The following FLT3 variants were observed in gnomAD, a reference collection of about 807,000 sequenced individuals.
FLT3 encodes the protein receptor-type tyrosine-protein kinase FLT3.
A neutral mutation model predicts 126.6 loss-of-function variants in FLT3; 46 were observed. The observed-to-expected ratio is 0.36, with a 90% CI of 0.29 to 0.46. The LOEUF (loss-of-function observed/expected upper bound fraction) is 0.46. FLT3 is among the 20% of genes least tolerant of loss of function. The pLI is 1.00. For synonymous variants in FLT3, 404 were observed against 434.4 expected, an observed-to-expected ratio of 0.93 and a Z score of 0.87; for missense variants, 1,069 against 1,190.3, an observed-to-expected ratio of 0.90 and a Z score of 1.50.
Position 28,057,438 on chromosome 13 carries a change from C to G in FLT3, c.393G>C (p.Leu131Phe). 1.3e-6 allele frequency: 2 copies of G among 1,549,154 alleles called. No homozygotes were observed. Among genetic ancestry groups the G allele is most frequent in the Non-Finnish European group, 1.8e-6 (2 of 1,120,684 alleles). ...QNRGVVSMVI[L>F]KMTETQAGEY... ...CTCCAGCTTGGGTTTCTGTCATTTT[C>G]AAAATGACCATGGAAACAACTCCTC... Residue 131 changes from leucine to phenylalanine, a missense_variant, in exon 4 of 24, where the codon TTG becomes TTC. Coordinates refer to ENST00000241453, the MANE Select transcript of FLT3 (RefSeq NM_004119.3).
In FLT3 at chr13:28,033,822, A is replaced by T. The variant is rs1480864561; in HGVS notation, c.1942+65T>A. ...AAAAGGATGGAAAAGAGAAGAAGGC[A>T]TGGGTGGGAAACTGTGCCTCCCATT... On this transcript the variant is annotated intron_variant, in intron 15 of 23. Transcript: ENST00000241453. 5.2e-6 allele frequency: 6 copies of T among 1,155,616 alleles called. No individual in the cohort carries two copies. The East Asian group carries it at 1.2e-4, about 23-fold the overall frequency. The allele number at this position is 1,155,616 out of a possible 1,614,324, so 71.6% of individuals were successfully genotyped here.
intron 1 of FLT3, among the ~76,000 whole-genome samples, chr13:28,085,069 G>C (rs572332588): frequency 3.9e-5 from 6 of 152,000 alleles, no homozygotes; most frequent in Non-Finnish European, 8.8e-5. Context: ...GTGCAAGCCG[G>C]GGCGGTGGCT....
At chr13:28,027,035 C>G in intron 17 of FLT3, 53 bp downstream of exon 17, 1 of 1,529,600 alleles carries the variant, frequency 6.5e-7, no homozygotes, top group East Asian at 2.3e-5. Flanking sequence ...GAACAGCACA[C>G]TTTGCCTACG....
chr13:28,100,364 A>C lies in FLT3; in HGVS notation c.43+104T>G. ...GGCAATGGAAGGAGCGAGCGCGGGG[A>C]GGAGCGAGGCGGCTGGGCCGGAGGA... On this transcript the variant is annotated intron_variant, in intron 1 of 23. Coordinates refer to ENST00000241453, the MANE Select transcript of FLT3 (RefSeq NM_004119.3). The surrounding 1 kb of genome is among the most constrained non-coding windows in gnomAD (Gnocchi z 4.8). The C allele has an allele frequency of 1.3e-6, 1 of 771,034 alleles. No homozygotes were observed. Among genetic ancestry groups the C allele is most frequent in the Admixed American group, 4.5e-5 (1 of 22,112 alleles). The allele number at this position is 771,034 out of a possible 1,614,324, so 47.8% of individuals were successfully genotyped here. A position where few individuals can be genotyped will look rare whatever the true frequency, so the allele number is the denominator to read the frequency against.
At chr13:28,080,019 C>T (rs901045052) in intron 1 of FLT3, among the ~76,000 whole-genome samples, 10 of 152,184 alleles carry the variant, frequency 6.6e-5, no homozygotes, top group Admixed American at 5.2e-4. Flanking sequence ...AGGATGACAT[C>T]AAGCCACTCA....
chr13:28,070,445 T>A (rs1482958888), intron 2 of FLT3, 46 bp downstream of exon 2: 4 of 1,549,924 alleles, frequency 2.6e-6, no homozygotes, highest in Non-Finnish European at 3.5e-6. Flanking sequence ...CAAATTACGT[T>A]CTCTAGAGAA....
chr13:28,029,816 C>T (rs1873153414), intron 15 of FLT3, among the ~76,000 whole-genome samples: 1 of 152,216 alleles, frequency 6.6e-6, no homozygotes, highest in African/African-American at 2.4e-5. Context: ...TATTGGTTGG[C>T]CAATGCATTC....
intron 2 of FLT3, chr13:28,068,007 C>T: frequency 4.4e-6 from 1 of 229,510 alleles, no homozygotes; most frequent in Non-Finnish European, 8.8e-6. Context: ...AGTCATTAAA[C>T]CATAGTGGAG....
intron 1 of FLT3, among the ~76,000 whole-genome samples, chr13:28,084,741 C>A (rs901497761): frequency 6.6e-6 from 1 of 151,926 alleles, no homozygotes; most frequent in Non-Finnish European, 1.5e-5. Flanking sequence ...TTTGGGAGGC[C>A]GAGGAGGGCG....
At chr13:28,024,133 C>CT (rs1872623036) in intron 18 of FLT3, among the ~76,000 whole-genome samples, 2 of 143,292 alleles carry the variant, frequency 1.4e-5, no homozygotes, top group Non-Finnish European at 1.6e-5. Flanking sequence ...TTTTTTCTTT[C>CT]TTTCTTTTTT....
intron 9 of FLT3, among the ~76,000 whole-genome samples, chr13:28,041,945 G>A (rs970947920): frequency 1.3e-5 from 2 of 152,118 alleles, no homozygotes; most frequent in African/African-American, 4.8e-5. Context: ...TTGAGGTAAG[G>A]AGTTCGAGAT....
intron 23 of FLT3, 41 bp from the exon 24 acceptor site, chr13:28,004,215 T>A: frequency 6.2e-7 from 1 of 1,604,766 alleles, no homozygotes; most frequent in Non-Finnish European, 8.5e-7. Context: ...TACCATCTGA[T>A]GTAGATGCAC....
chr13:28,014,348 G>T, intron 23 of FLT3, 104 bp downstream of exon 23: 1 of 796,672 alleles, frequency 1.3e-6, no homozygotes, highest in Non-Finnish European at 2.1e-6. Context: ...AAACTGCAAT[G>T]AGAATGACAA....
rs748443772 is a variant in FLT3, at chr13:28,027,080, C to T, written c.2207+8G>A. 1.2e-6 allele frequency: 2 copies of T among 1,612,090 alleles called. No individual in the cohort carries two copies. Among genetic ancestry groups the T allele is most frequent in the Non-Finnish European group, 1.7e-6 (2 of 1,178,872 alleles). Reference sequence around the variant, plus strand: ...GTGTAATTACGAAACCCTGACCCAGCCTCTTACCTGGAATTTGGATGTGAT... The same window carrying T: ...GTGTAATTACGAAACCCTGACCCAGTCTCTTACCTGGAATTTGGATGTGAT... On this transcript the variant is annotated splice_region_variant and intron_variant, in intron 17 of 23. Coordinates refer to ENST00000241453, the MANE Select transcript of FLT3 (RefSeq NM_004119.3).
At chr13:28,036,693 T>C (rs1873864517) in intron 10 of FLT3, among the ~76,000 whole-genome samples, 3 of 152,194 alleles carry the variant, frequency 2.0e-5, no homozygotes, top group Admixed American at 2.0e-4. Flanking sequence ...GAAAGAGATA[T>C]ATGGCCAGGT....
chr13:28,060,833 G>A (rs1395088319), intron 3 of FLT3, among the ~76,000 whole-genome samples: 6 of 151,518 alleles, frequency 4.0e-5, no homozygotes, highest in Non-Finnish European at 8.8e-5. Flanking sequence ...TCGAACTCCT[G>A]ACCTCAGGTG....
chr13:28,048,167 A>C (rs1427096555), intron 9 of FLT3, 108 bp downstream of exon 9: 1 of 803,156 alleles, frequency 1.2e-6, no homozygotes, highest in African/African-American at 1.7e-5. Context: ...ATAATAGTTA[A>C]ACTCATAAGT....
chr13:28,042,890 AAC>A (rs1415347374), intron 9 of FLT3, among the ~76,000 whole-genome samples: 2 of 150,738 alleles, frequency 1.3e-5, no homozygotes, highest in South Asian at 2.2e-4. Context: ...AAAAAAAAAA[AAC>A]AACTCCTCTC....
In FLT3 at chr13:28,023,159, C is replaced by T. The variant is rs920903748; in HGVS notation, c.2418+191G>A. 6.6e-5 allele frequency among the ~76,000 whole-genome samples: 10 copies of T among 152,354 alleles called. 1 individual carries two copies. The East Asian group carries it at 1.4e-3, about 21-fold the overall frequency. ...GAGGGCTGTGCTAGCCGTGACCTCA[C>T]AAGGGATCCCAGGCCTTTATGCTAC... On this transcript the variant is annotated intron_variant, in intron 19 of 23. Transcript: ENST00000241453.
Sources: allele counts gnomAD v4.1 joint callset (sites outside exome capture counted in the v4.1 genomes callset), GRCh38; gene constraint gnomAD v4.1.1; non-coding constraint Gnocchi (gnomAD v3.1); transcripts MANE v1.5; gene names NCBI Gene and HGNC (gene_info 2026-07-23, HGNC 2026-07-21).